Variants in DTNBP1 observed in about 807,000 individuals in gnomAD.
The protein encoded by DTNBP1 is dystrobrevin binding protein 1, also known as dysbindin.
In DTNBP1, 35 loss-of-function variants were observed where a neutral mutation model predicts 42.8. The observed-to-expected ratio is 0.82, with a 90% CI of 0.63 to 1.09. The LOEUF (loss-of-function observed/expected upper bound fraction) is 1.09. Among genes scored for constraint, DTNBP1 ranks in the 50% least tolerant of loss-of-function variants. The pLI, the probability that DTNBP1 is intolerant of heterozygous loss-of-function variation, is 0.00. For synonymous variants in DTNBP1, 171 were observed against 162.2 expected (o/e 1.05, Z -0.41); for missense variants, 457 against 424.2 (o/e 1.08, Z -0.68).
intron 3 of DTNBP1, among the ~76,000 whole-genome samples, chr6:15,650,443 G>A (rs1760925553): frequency 6.6e-6 from 1 of 152,012 alleles, no homozygotes; most frequent in Non-Finnish European, 1.5e-5. Context: ...ACCAGGCCCA[G>A]CTAATTTTTG....
At chr6:15,563,881 C>G (rs745823728) in intron 7 of DTNBP1, among the ~76,000 whole-genome samples, 1 of 152,146 alleles carries the variant, frequency 6.6e-6, no homozygotes, top group Non-Finnish European at 1.5e-5. Flanking sequence ...CGAGACCAGC[C>G]TGACCAACAT....
At chr6:15,584,861 C>G (rs984501274) in intron 7 of DTNBP1, among the ~76,000 whole-genome samples, 1 of 148,626 alleles carries the variant, frequency 6.7e-6, no homozygotes, top group African/African-American at 2.5e-5. Context: ...TCAGTTACCA[C>G]CCCCATGGAT....
rs73724441 is a variant in DTNBP1 at position 15,587,731 on chromosome 6, C to T, written c.511+5328G>A. On this transcript the variant is annotated intron_variant, in intron 7 of 9. Transcript: ENST00000344537. This position sits in a 1 kb window ranked among gnomAD's most constrained non-coding sequence, Gnocchi z 4.1. ...CCCCAAGGTCTGCCAAAAAATGGTT[C>T]TGAGACAACTGAATATCGATACGTA... 7.4e-3 allele frequency among the ~76,000 whole-genome samples: 1,120 copies of T among 152,290 alleles called. 21 individuals carry two copies. Among genetic ancestry groups the T allele is most frequent in the African/African-American group, 0.026 (1,062 of 41,552 alleles).
At chr6:15,575,633 T>C (rs1775529964) in intron 7 of DTNBP1, among the ~76,000 whole-genome samples, 1 of 152,220 alleles carries the variant, frequency 6.6e-6, no homozygotes, top group Non-Finnish European at 1.5e-5. Context: ...GACATATGTT[T>C]TCTCTTTGAG....
intron 6 of DTNBP1, among the ~76,000 whole-genome samples, chr6:15,613,357 ATTTTTTTTTTTTT>A (rs1184227291): frequency 1.6e-4 from 4 of 24,306 alleles, no homozygotes; most frequent in East Asian, 3.3e-3. Flanking sequence ...CACGGACCCC[ATTTTTTTTTTTTT>A]TTTTTTTTTT....
At chr6:15,574,912 CA>C (rs1207228477) in intron 7 of DTNBP1, among the ~76,000 whole-genome samples, 1 of 152,206 alleles carries the variant, frequency 6.6e-6, no homozygotes, top group African/African-American at 2.4e-5. Context: ...TGTTTTCCAC[CA>C]GTTATTAGTA....
At chr6:15,659,614 G>A (rs1761484229) in intron 1 of DTNBP1, among the ~76,000 whole-genome samples, 1 of 147,088 alleles carries the variant, frequency 6.8e-6, no homozygotes. Context: ...GTGCAGTGGT[G>A]TGATCTCGGC....
chr6:15,651,445 C>T (rs1346602833), intron 2 of DTNBP1, 82 bp from the exon 3 acceptor site: 2 of 1,535,056 alleles, frequency 1.3e-6, no homozygotes, highest in Non-Finnish European at 8.9e-7. Flanking sequence ...AGAATTTTGA[C>T]ATTGTCAATT....
At chr6:15,660,616 A>G in intron 1 of DTNBP1, 1 of 1,210,302 alleles carries the variant, frequency 8.3e-7, no homozygotes, top group Non-Finnish European at 1.1e-6. Context: ...TAAGAAGTCA[A>G]GTCAGTTTCC....
At chr6:15,649,142 C>A (rs1302950877) in intron 3 of DTNBP1, among the ~76,000 whole-genome samples, 1 of 152,028 alleles carries the variant, frequency 6.6e-6, no homozygotes, top group Non-Finnish European at 1.5e-5. Flanking sequence ...ACCGTATGAT[C>A]CAGTAATTCT....
rs1760245349 is a variant in DTNBP1 at position 15,639,947 on chromosome 6, C to T, written c.162-2143G>A. Among the ~76,000 whole-genome samples, 4 of 152,120 alleles carry T rather than the reference C, an allele frequency of 2.6e-5. No individual in the cohort carries two copies. The South Asian group carries it at 8.3e-4, about 32-fold the overall frequency. ...TAACATCTCACCATTTCCTTTTCTC[C>T]CCGTTATTATGTATGCTTTTCACAT... is the stretch of plus-strand genomic sequence containing the variant. On this transcript the variant is annotated intron_variant, in intron 3 of 9. Coordinates refer to ENST00000344537, the MANE Select transcript of DTNBP1 (RefSeq NM_032122.5).
At chr6:15,651,419 A>C in intron 2 of DTNBP1, 56 bp from the exon 3 acceptor site, 2 of 1,605,560 alleles carry the variant, frequency 1.2e-6, no homozygotes, top group African/African-American at 2.7e-5. Flanking sequence ...CTGAAAAAAA[A>C]AAAAAGGTAC....
intron 6 of DTNBP1, among the ~76,000 whole-genome samples, chr6:15,596,255 C>T (rs1048136605): frequency 1.1e-4 from 16 of 152,124 alleles, no homozygotes; most frequent in African/African-American, 3.9e-4. Context: ...TTTTGGAGGG[C>T]AATGCATGAG....
rs9476880 is a variant in DTNBP1, at chr6:15,645,269, A to G, written c.161+6044T>C. Among the ~76,000 whole-genome samples the G allele has an allele frequency of 1.3e-3, 205 of 152,102 alleles. 2 individuals carry two copies. Among genetic ancestry groups the G allele is most frequent in the African/African-American group, 4.8e-3 (201 of 41,552 alleles). ...CTGAACAGACCAATAACAAGTTACG[A>G]AATTCAATCAGTAATAATAATAATA... On this transcript the variant is annotated intron_variant, in intron 3 of 9. Coordinates refer to ENST00000344537, the MANE Select transcript of DTNBP1 (RefSeq NM_032122.5).
At chr6:15,618,460 G>A (rs552632507) in intron 5 of DTNBP1, among the ~76,000 whole-genome samples, 5 of 151,176 alleles carry the variant, frequency 3.3e-5, no homozygotes, top group African/African-American at 1.2e-4. Flanking sequence ...TACACTACAA[G>A]CCCAATCTCC....
At chr6:15,631,649 C>T (rs532331234) in intron 4 of DTNBP1, among the ~76,000 whole-genome samples, 2 of 152,298 alleles carry the variant, frequency 1.3e-5, no homozygotes, top group East Asian at 3.9e-4. Flanking sequence ...TCAAGGTGCA[C>T]ATGTGCAAGG....
At chr6:15,594,900 T>A (rs1409242953) in intron 6 of DTNBP1, among the ~76,000 whole-genome samples, 1 of 152,194 alleles carries the variant, frequency 6.6e-6, no homozygotes, top group Non-Finnish European at 1.5e-5. Flanking sequence ...TCACAGACAC[T>A]GTTATTCTCC....
At chr6:15,545,250 C>T (rs1292499426) in intron 7 of DTNBP1, among the ~76,000 whole-genome samples, 1 of 152,136 alleles carries the variant, frequency 6.6e-6, no homozygotes, top group African/African-American at 2.4e-5. Context: ...ACTTCTGTGA[C>T]CTGTGTTTCT....
At chr6:15,578,422 G>C (rs894970359) in intron 7 of DTNBP1, among the ~76,000 whole-genome samples, 1 of 152,224 alleles carries the variant, frequency 6.6e-6, no homozygotes, top group Non-Finnish European at 1.5e-5. Context: ...CATCTGAAGT[G>C]AGAACTCAGG....
Sources: allele counts gnomAD v4.1 joint callset (sites outside exome capture counted in the v4.1 genomes callset), GRCh38; gene constraint gnomAD v4.1.1; non-coding constraint Gnocchi (gnomAD v3.1); transcripts MANE v1.5; gene names NCBI Gene and HGNC (gene_info 2026-07-23, HGNC 2026-07-21).